MARCHF3: variants seen among roughly 807,000 people sequenced by gnomAD.
MARCHF3 encodes E3 ubiquitin-protein ligase MARCHF3.
In MARCHF3, 13 loss-of-function variants were observed where a neutral mutation model predicts 24.2. That is an observed-to-expected ratio of 0.54 (90% confidence interval 0.35 to 0.85). The LOEUF is 0.85. MARCHF3 is among the 40% of genes least tolerant of loss of function. MARCHF3 has a pLI of 0.01. For missense variants in MARCHF3, 276 were observed against 325.0 expected, an observed-to-expected ratio of 0.85 and a Z score of 1.16; for synonymous variants, 144 against 137.3, an observed-to-expected ratio of 1.05 and a Z score of -0.34.
intron 1 of MARCHF3, among the ~76,000 whole-genome samples, chr5:126,947,279 A>ATC (rs1750058084): frequency 5.9e-5 from 9 of 152,246 alleles, no homozygotes; most frequent in Non-Finnish European, 1.5e-5. Context: ...TCTTTACAGC[A>ATC]AGCTGTGACA....
At chr5:126,992,312 C>T (rs1751793498) in intron 1 of MARCHF3, among the ~76,000 whole-genome samples, 2 of 152,188 alleles carry the variant, frequency 1.3e-5, no homozygotes, top group African/African-American at 2.4e-5. Flanking sequence ...GCCTGAAACA[C>T]AAGCACCTCC....
rs553511612 is a variant in MARCHF3, at chr5:126,906,460, G to A, written c.393+8470C>T. Among the ~76,000 whole-genome samples, 225 of 152,236 alleles carry A rather than the reference G, an allele frequency of 1.5e-3. 1 individual carries two copies. The highest frequency in any genetic ancestry group is 5.1e-3 in the Admixed American group (78 of 15,294). ...TCCATCTGGTCCTGGACTCTTTTTC[G>A]TTGGTAAGCTATTGATTATTGCCAC... On this transcript the variant is annotated intron_variant, in intron 3 of 4. Transcript: ENST00000308660.
At chr5:126,895,072 G>A (rs1753827704) in intron 3 of MARCHF3, among the ~76,000 whole-genome samples, 1 of 151,548 alleles carries the variant, frequency 6.6e-6, no homozygotes, top group African/African-American at 2.4e-5. Flanking sequence ...ATCTTCCATT[G>A]CTGATGCCCT....
At position 126,870,331 on chromosome 5, in the gene MARCHF3, G is replaced by T; in HGVS notation, c.*302C>A. ...AAGGAAGAATTGAATTGCATCCGTA[G>T]CAGGACAACCTTCCTCATACGTTAA... On this transcript the variant is annotated 3_prime_UTR_variant, in exon 5 of 5. Transcript: ENST00000308660. 4.4e-6 allele frequency: 1 copy of T among 226,802 alleles called. No individual in the cohort carries two copies. The highest frequency in any genetic ancestry group is 8.8e-6 in the Non-Finnish European group (1 of 114,072). The allele number at this position is 226,802 out of a possible 1,614,324, so 14.0% of individuals were successfully genotyped here. A position where few individuals can be genotyped will look rare whatever the true frequency, so the allele number is the denominator to read the frequency against.
intron 1 of MARCHF3, among the ~76,000 whole-genome samples, chr5:126,923,696 T>C (rs1386130676): frequency 6.6e-6 from 1 of 152,220 alleles, no homozygotes; most frequent in Non-Finnish European, 1.5e-5. Flanking sequence ...GAATAATCTC[T>C]AGAGATCTGC....
chr5:126,975,248 C>T (rs947237192), intron 1 of MARCHF3, among the ~76,000 whole-genome samples: 6 of 152,158 alleles, frequency 3.9e-5, no homozygotes, highest in Admixed American at 6.5e-5. Context: ...AGCCACTGGG[C>T]CTGGCTGAAG....
intron 1 of MARCHF3, among the ~76,000 whole-genome samples, chr5:126,969,388 A>G (rs1376172648): frequency 2.0e-5 from 3 of 152,178 alleles, no homozygotes; most frequent in Non-Finnish European, 2.9e-5. Flanking sequence ...GTATATTACT[A>G]TTTAGGTAAA....
intron 1 of MARCHF3, among the ~76,000 whole-genome samples, chr5:126,938,490 TTTG>T (rs796858762): frequency 2.6e-5 from 4 of 151,778 alleles, no homozygotes; most frequent in African/African-American, 7.3e-5. Context: ...TCTAGAGAAC[TTTG>T]TTGTTGTTGT....
chr5:126,953,148 T>C (rs975279425), intron 1 of MARCHF3, among the ~76,000 whole-genome samples: 2 of 152,226 alleles, frequency 1.3e-5, no homozygotes, highest in Non-Finnish European at 2.9e-5. Context: ...TGAAGGTTTT[T>C]GTTTTTTCCA....
intron 3 of MARCHF3, among the ~76,000 whole-genome samples, chr5:126,899,722 G>A (rs1754041937): frequency 6.6e-6 from 1 of 152,144 alleles, no homozygotes; most frequent in South Asian, 2.1e-4. Context: ...TCCAGCACTT[G>A]ATCTGGCACA....
At chr5:126,988,704 A>G (rs1274771264) in intron 1 of MARCHF3, among the ~76,000 whole-genome samples, 3 of 152,226 alleles carry the variant, frequency 2.0e-5, no homozygotes, top group African/African-American at 7.2e-5. Flanking sequence ...AAGGATTATG[A>G]ACAAATAGCA....
chr5:126,876,075 A>G (rs1324488013), intron 4 of MARCHF3, among the ~76,000 whole-genome samples: 1 of 152,194 alleles, frequency 6.6e-6, no homozygotes, highest in Non-Finnish European at 1.5e-5. Context: ...TAGTCTAGGT[A>G]CCTTTTCTAC....
chr5:126,992,603 C>T (rs1185240963), intron 1 of MARCHF3, among the ~76,000 whole-genome samples: 3 of 152,050 alleles, frequency 2.0e-5, no homozygotes, highest in African/African-American at 4.8e-5. Context: ...TTACGTAGTA[C>T]GTAGAGGTTA....
At chr5:127,017,227 C>T (rs1172751292) in intron 1 of MARCHF3, among the ~76,000 whole-genome samples, 5 of 151,976 alleles carry the variant, frequency 3.3e-5, no homozygotes, top group African/African-American at 7.3e-5. Context: ...CAAACCTGCA[C>T]GTTGTGCACA....
At chr5:127,026,426 G>C (rs1159770983) in intron 1 of MARCHF3, among the ~76,000 whole-genome samples, 1 of 152,176 alleles carries the variant, frequency 6.6e-6, no homozygotes, top group Non-Finnish European at 1.5e-5. Flanking sequence ...TTTGTAATCT[G>C]GGACTTTTAG....
chr5:126,985,471 ATT>A (rs1206777153), intron 1 of MARCHF3, among the ~76,000 whole-genome samples: 7 of 118,942 alleles, frequency 5.9e-5, no homozygotes, highest in Non-Finnish European at 3.4e-5. Context: ...ATGAACTTTT[ATT>A]TTTTTTTTTT....
intron 1 of MARCHF3, among the ~76,000 whole-genome samples, chr5:126,995,007 C>G (rs544522922): frequency 1.3e-5 from 2 of 152,356 alleles, no homozygotes; most frequent in Non-Finnish European, 2.9e-5. Flanking sequence ...CCACCTTCTT[C>G]TGCCTGCTTT....
chr5:126,873,997 A>G (rs975356612), intron 4 of MARCHF3, among the ~76,000 whole-genome samples: 3 of 152,232 alleles, frequency 2.0e-5, no homozygotes, highest in Non-Finnish European at 2.9e-5. Flanking sequence ...GAAAAAGAAA[A>G]CATAAAAAGA....
chr5:126,962,348 A>C (rs1750665832), intron 1 of MARCHF3, among the ~76,000 whole-genome samples: 1 of 152,040 alleles, frequency 6.6e-6, no homozygotes, highest in Non-Finnish European at 1.5e-5. Flanking sequence ...TCATTTGGAA[A>C]ATGAGGGGAT....
Sources: allele counts gnomAD v4.1 joint callset (sites outside exome capture counted in the v4.1 genomes callset), GRCh38; gene constraint gnomAD v4.1.1; transcripts MANE v1.5; gene names NCBI Gene and HGNC (gene_info 2026-07-23, HGNC 2026-07-21).